The following FYN variants were observed in gnomAD, a reference collection of about 807,000 sequenced individuals.
The protein encoded by FYN is tyrosine-protein kinase Fyn.
In FYN, 10 loss-of-function variants were observed where a neutral mutation model predicts 70.2. The observed-to-expected ratio is 0.14, with a 90% confidence interval of 0.09 to 0.24. The LOEUF (loss-of-function observed/expected upper bound fraction) is 0.24. Among genes scored for constraint, FYN ranks in the 10% least tolerant of loss-of-function variants. The pLI is 1.00. For missense variants in FYN, 319 were observed against 673.1 expected (o/e 0.47, Z 5.82); for synonymous variants, 236 against 248.6 (o/e 0.95, Z 0.48).
intron 1 of FYN, among the ~76,000 whole-genome samples, chr6:111,850,514 G>A (rs907707283): frequency 1.4e-4 from 21 of 152,322 alleles, no homozygotes; most frequent in South Asian, 4.1e-4. Flanking sequence ...TAAAATAGCC[G>A]TTTGATGCAA....
At chr6:111,812,328 C>G (rs565457629) in intron 2 of FYN, among the ~76,000 whole-genome samples, 7 of 152,222 alleles carry the variant, frequency 4.6e-5, no homozygotes, top group Admixed American at 4.6e-4. Flanking sequence ...GGCAAAACCT[C>G]GGGACTCTTT....
At chr6:111,673,619 A>ACTGTTTTTTTTTT (rs1301768351) in intron 13 of FYN, among the ~76,000 whole-genome samples, 6 of 65,002 alleles carry the variant, frequency 9.2e-5, no homozygotes, top group Admixed American at 2.1e-4. Flanking sequence ...CGTTTCTATC[A>ACTGTTTTTTTTTT]TTGTTTTTTT....
At chr6:111,790,212 T>C (rs1422085009) in intron 2 of FYN, among the ~76,000 whole-genome samples, 1 of 141,314 alleles carries the variant, frequency 7.1e-6, no homozygotes, top group African/African-American at 2.6e-5. Flanking sequence ...CAAAAAAAAA[T>C]TCTTTTCTTG....
intron 2 of FYN, among the ~76,000 whole-genome samples, chr6:111,794,583 A>G (rs1014452468): frequency 2.6e-5 from 4 of 152,218 alleles, no homozygotes; most frequent in Admixed American, 6.5e-5. Flanking sequence ...TGTACAGTCC[A>G]TGAACTGAGA....
chr6:111,673,622 G>GTTTTTTTTTTTTTTTTTTTTTTTTTTTTT (rs71021858), intron 13 of FYN, among the ~76,000 whole-genome samples: 8 of 116,582 alleles, frequency 6.9e-5, no homozygotes, highest in East Asian at 2.6e-4. Context: ...TTCTATCATT[G>GTTTTTTTTTTTTTTTTTTTTTTTTTTTTT]TTTTTTTTTT....
At chr6:111,812,576 T>C (rs1392927875) in intron 2 of FYN, among the ~76,000 whole-genome samples, 1 of 151,756 alleles carries the variant, frequency 6.6e-6, no homozygotes, top group Non-Finnish European at 1.5e-5. Flanking sequence ...ACTCTTCCTT[T>C]ATGGAGGTAA....
chr6:111,685,976 A>G (rs556830425), intron 12 of FYN, among the ~76,000 whole-genome samples: 24 of 152,204 alleles, frequency 1.6e-4, no homozygotes, highest in Non-Finnish European at 3.4e-4. Context: ...GAGGGTGGGA[A>G]TGAAAGAAAT....
intron 3 of FYN, among the ~76,000 whole-genome samples, chr6:111,728,657 CA>C (rs1455361573): frequency 6.6e-6 from 1 of 152,158 alleles, no homozygotes; most frequent in Non-Finnish European, 1.5e-5. Flanking sequence ...CAGGTTCATT[CA>C]TGTAACATGT....
intron 3 of FYN, among the ~76,000 whole-genome samples, chr6:111,736,753 G>C (rs1376099766): frequency 1.3e-5 from 2 of 152,114 alleles, no homozygotes; most frequent in Admixed American, 1.3e-4. Context: ...CGTTCCACCA[G>C]GTTTATTCCT....
chr6:111,854,641 T>C (rs1331479579), intron 1 of FYN, among the ~76,000 whole-genome samples: 1 of 152,274 alleles, frequency 6.6e-6, no homozygotes, highest in East Asian at 1.9e-4. Flanking sequence ...GTTTTTGTCA[T>C]TTATTGAATC....
intron 5 of FYN, among the ~76,000 whole-genome samples, chr6:111,712,014 G>GC (rs1583345584): frequency 2.0e-5 from 3 of 152,142 alleles, no homozygotes; most frequent in Non-Finnish European, 4.4e-5. Flanking sequence ...AACATCAAAG[G>GC]CCGTGCATGG....
chr6:111,770,757 A>G (rs1406375667), intron 3 of FYN, among the ~76,000 whole-genome samples: 2 of 152,208 alleles, frequency 1.3e-5, no homozygotes, highest in African/African-American at 4.8e-5. Flanking sequence ...ATGTGTGAAG[A>G]CGCCAAACCT....
chr6:111,749,199 T>G (rs747566731), intron 3 of FYN, among the ~76,000 whole-genome samples: 6 of 152,176 alleles, frequency 3.9e-5, no homozygotes, highest in East Asian at 1.9e-4. Context: ...TGAGTGAAGG[T>G]GAACTTTAAA....
At chr6:111,850,700 C>T (rs1244621296) in intron 1 of FYN, among the ~76,000 whole-genome samples, 1 of 152,192 alleles carries the variant, frequency 6.6e-6, no homozygotes, top group East Asian at 1.9e-4. Flanking sequence ...CGGGGCAGCC[C>T]CTGGCTCTCT....
chr6:111,803,541 C>CT (rs1407584957), intron 2 of FYN, among the ~76,000 whole-genome samples: 1 of 152,124 alleles, frequency 6.6e-6, no homozygotes, highest in Non-Finnish European at 1.5e-5. Context: ...TTCATATTCT[C>CT]CAATCTGTGA....
intron 1 of FYN, among the ~76,000 whole-genome samples, chr6:111,868,250 G>A (rs954701492): frequency 2.0e-5 from 3 of 152,132 alleles, no homozygotes; most frequent in Admixed American, 6.5e-5. Flanking sequence ...TAGCAAGTAA[G>A]TTCCTTCGGG....
intron 2 of FYN, among the ~76,000 whole-genome samples, chr6:111,842,594 C>T (rs1773396593): frequency 6.6e-6 from 1 of 152,196 alleles, no homozygotes; most frequent in African/African-American, 2.4e-5. Context: ...TTGGATACCC[C>T]ATGTAAACAC....
intron 3 of FYN, among the ~76,000 whole-genome samples, chr6:111,766,380 G>A (rs1803229907): frequency 1.3e-5 from 2 of 152,274 alleles, no homozygotes; most frequent in South Asian, 4.1e-4. Flanking sequence ...AACAGAGCCT[G>A]GAATGTACAT....
At chr6:111,782,515 T>C (rs1049566379) in intron 2 of FYN, among the ~76,000 whole-genome samples, 1 of 152,042 alleles carries the variant, frequency 6.6e-6, no homozygotes, top group East Asian at 2.0e-4. Flanking sequence ...GGCAACACAA[T>C]GTTGTCTTGT....
Sources: gnomAD v4.1 joint callset for allele counts (sites outside exome capture counted in the v4.1 genomes callset) on GRCh38, gnomAD v4.1.1 for gene constraint, MANE v1.5 for transcripts, NCBI Gene and HGNC (gene_info 2026-07-23, HGNC 2026-07-21) for gene names.